RBM6: variants seen among roughly 807,000 people sequenced by gnomAD.
RBM6 encodes the protein RNA-binding protein 6.
RBM6 carries 23 observed loss-of-function variants against 140.4 expected under a neutral mutation model. The observed-to-expected ratio is 0.16, with a 90% confidence interval of 0.12 to 0.23. The LOEUF is 0.23. Among genes scored for constraint, RBM6 ranks in the 10% least tolerant of loss-of-function variants. The probability of loss-of-function intolerance (pLI) is 1.00; values close to 1 mark genes in which losing one functional copy is unlikely to be tolerated. For missense variants in RBM6, 1,139 were observed against 1,386.7 expected (o/e 0.82, Z 2.84); for synonymous variants, 439 against 475.6 (o/e 0.92, Z 1.00).
At chr3:49,993,754 G>A (rs556966348) in intron 5 of RBM6, among the ~76,000 whole-genome samples, 5 of 151,628 alleles carry the variant, frequency 3.3e-5, no homozygotes, top group Non-Finnish European at 4.4e-5. Context: ...ATAATTGAAA[G>A]TGTTTATAAG....
At chr3:50,054,287 G>C (rs377524992) in intron 7 of RBM6, 48 bp from the exon 8 acceptor site, 1 of 1,497,304 alleles carries the variant, frequency 6.7e-7, no homozygotes, top group Non-Finnish European at 9.3e-7. Flanking sequence ...ATATACATAA[G>C]ATTTTTAAAA....
intron 5 of RBM6, among the ~76,000 whole-genome samples, chr3:49,988,590 A>G (rs952851640): frequency 5.3e-5 from 8 of 152,118 alleles, no homozygotes; most frequent in Non-Finnish European, 1.2e-4. Context: ...AACAAAACAA[A>G]ATCTTACCTT....
chr3:49,948,583 G>A (rs1318768596), intron 1 of RBM6, among the ~76,000 whole-genome samples: 7 of 151,510 alleles, frequency 4.6e-5, no homozygotes, highest in African/African-American at 7.3e-5. Flanking sequence ...GTGTGGTGGC[G>A]CGCACCTAGT....
At chr3:49,945,492 A>G (rs553444646) in intron 1 of RBM6, among the ~76,000 whole-genome samples, 111 of 152,150 alleles carry the variant, frequency 7.3e-4, no homozygotes, top group African/African-American at 2.5e-3. Flanking sequence ...TATAGACTGA[A>G]TTGTGTCCCC....
chr3:50,005,923 AAAATT>A (rs918801654), intron 6 of RBM6, among the ~76,000 whole-genome samples: 1 of 152,224 alleles, frequency 6.6e-6, no homozygotes, highest in African/African-American at 2.4e-5. Flanking sequence ...GCTAGAAAAA[AAAATT>A]AAAACAATTA....
At chr3:49,958,304 C>G (rs2084102459) in intron 1 of RBM6, among the ~76,000 whole-genome samples, 1 of 152,032 alleles carries the variant, frequency 6.6e-6, no homozygotes, top group African/African-American at 2.4e-5. Flanking sequence ...GCCTGTAATC[C>G]CAGCACTTTG....
At chr3:50,062,513 A>AG (rs1343745472) in intron 15 of RBM6, among the ~76,000 whole-genome samples, 1 of 152,032 alleles carries the variant, frequency 6.6e-6, no homozygotes, top group Non-Finnish European at 1.5e-5. Flanking sequence ...AAAAAAAAAA[A>AG]AAAAACCTCT....
chr3:49,946,123 G>A (rs1314625631), intron 1 of RBM6, among the ~76,000 whole-genome samples: 1 of 152,066 alleles, frequency 6.6e-6, no homozygotes, highest in Non-Finnish European at 1.5e-5. Context: ...AATAATTTCT[G>A]TGGCTTAAGC....
chr3:49,992,042 C>T (rs2085851552), intron 5 of RBM6, among the ~76,000 whole-genome samples: 1 of 151,968 alleles, frequency 6.6e-6, no homozygotes, highest in African/African-American at 2.4e-5. Flanking sequence ...GCTTCAACCT[C>T]CCAGGCTCAA....
chr3:49,951,557 ATTATTTAT>A (rs764604179), intron 1 of RBM6, among the ~76,000 whole-genome samples: 2 of 150,242 alleles, frequency 1.3e-5, no homozygotes, highest in East Asian at 2.0e-4. Flanking sequence ...TATTTTATTT[ATTATTTAT>A]TTATTTATTT....
intron 5 of RBM6, among the ~76,000 whole-genome samples, chr3:49,980,457 G>A (rs898699431): frequency 2.6e-5 from 4 of 151,794 alleles, no homozygotes; most frequent in Non-Finnish European, 4.4e-5. Context: ...GGATCACAAT[G>A]TTATTAATAG....
chr3:50,007,323 A>G (rs1242331367), intron 6 of RBM6, among the ~76,000 whole-genome samples: 1 of 151,486 alleles, frequency 6.6e-6, no homozygotes. Flanking sequence ...CAGCCTCCCA[A>G]GTAGCTGTGG....
chr3:50,062,016 GA>G lies in RBM6; in HGVS notation c.2502del (p.Lys834AsnfsTer27). 1 of 1,613,112 alleles carries G rather than the reference GA, an allele frequency of 6.2e-7. No individual in the cohort carries two copies. Among genetic ancestry groups the G allele is most frequent in the Non-Finnish European group, 8.5e-7 (1 of 1,179,662 alleles). On this transcript the variant is annotated frameshift_variant, in exon 15 of 21. Coordinates refer to ENST00000266022, the MANE Select transcript of RBM6 (RefSeq NM_005777.3). LOFTEE classifies it high-confidence loss of function. ...ATTACCTGAGGAAGAAGAGATCAAG[GA>G]AAAAAAACCCACCAGTCAAGGAAAG... ...PGLPEEEEIK[E>X]KKPTSQGKSS... is the part of the protein sequence containing the mutation.
At chr3:50,069,682 C>T (rs2090238405) in intron 18 of RBM6, among the ~76,000 whole-genome samples, 1 of 151,746 alleles carries the variant, frequency 6.6e-6, no homozygotes, top group South Asian at 2.1e-4. Context: ...AGAGTAAGTC[C>T]CTGTCTCAAA....
intron 5 of RBM6, 73 bp from the exon 6 acceptor site, chr3:49,999,367 G>A (rs1559567796): frequency 2.3e-6 from 3 of 1,309,176 alleles, no homozygotes; most frequent in Admixed American, 1.7e-5. Flanking sequence ...TCAGAAACAG[G>A]GGATTTAAGT....
intron 5 of RBM6, among the ~76,000 whole-genome samples, chr3:49,995,385 G>A (rs761761159): frequency 1.4e-4 from 21 of 151,956 alleles, no homozygotes; most frequent in Non-Finnish European, 2.5e-4. Context: ...GCGAAACTCC[G>A]TCTCTACTGA....
At position 50,066,243 on chromosome 3, in the gene RBM6, C is replaced by T. The variant is rs1393147109; in HGVS notation, c.2684C>T (p.Pro895Leu). The change falls in exon 17 of 21, where the codon CCT becomes CTT. Residue 895 changes from proline to leucine, a missense_variant and splice_region_variant. Coordinates refer to ENST00000266022, the MANE Select transcript of RBM6 (RefSeq NM_005777.3). ...TVKKEESPPP[P>L]KVVNPLIGLL... ...TGATCCCTGGCCTTCTCCTTCCAGC[C>T]TAAAGTGGTAAACCCACTGATCGGC... 2 of 1,610,844 alleles carry T rather than the reference C, an allele frequency of 1.2e-6. No homozygotes were observed. The highest frequency in any genetic ancestry group is 1.1e-5 in the South Asian group (1 of 90,900).
At chr3:50,046,213 G>A (rs188698964) in intron 6 of RBM6, among the ~76,000 whole-genome samples, 40 of 151,216 alleles carry the variant, frequency 2.6e-4, no homozygotes, top group African/African-American at 9.0e-4. Flanking sequence ...CCTGGGAGGC[G>A]GAGGTTGTGG....
intron 1 of RBM6, among the ~76,000 whole-genome samples, chr3:49,950,763 A>G (rs1321680944): frequency 7.9e-5 from 12 of 152,094 alleles, no homozygotes; most frequent in Admixed American, 7.9e-4. Context: ...AAAAAAAAAA[A>G]ACAGAAAGAA....
Sources: gnomAD v4.1 joint callset for allele counts (sites outside exome capture counted in the v4.1 genomes callset) on GRCh38, gnomAD v4.1.1 for gene constraint, MANE v1.5 for transcripts, NCBI Gene and HGNC (gene_info 2026-07-23, HGNC 2026-07-21) for gene names.